SMCO4: variants seen among roughly 807,000 people sequenced by gnomAD.
SMCO4 encodes single-pass membrane protein with coiled-coil domains 4, also known as single-pass membrane and coiled-coil domain-containing protein 4.
In SMCO4, 4 loss-of-function variants were observed where a neutral mutation model predicts 3.6. That is an observed-to-expected ratio of 1.11 (90% confidence interval 0.54 to 2.53). The LOEUF (loss-of-function observed/expected upper bound fraction) is 2.53, where lower values mean the gene tolerates loss of function less well. Ranked by LOEUF, SMCO4 falls within the 30% of genes most tolerant of loss-of-function variation. The pLI is 0.02. For missense variants in SMCO4, 70 were observed against 80.8 expected, an observed-to-expected ratio of 0.87 and a Z score of 0.51; for synonymous variants, 36 against 35.3, an observed-to-expected ratio of 1.02 and a Z score of -0.07.
chr11:93,550,616 A>T, the SMCO4 span, among the ~76,000 whole-genome samples: 1 of 152,226 alleles, frequency 6.6e-6, no homozygotes, highest in African/African-American at 2.4e-5. Context: ...TTGAGGCTAC[A>T]GTGAGCTGTT....
intron 1 of SMCO4, among the ~76,000 whole-genome samples, chr11:93,524,946 A>AT (rs1410474439): frequency 6.6e-6 from 1 of 152,230 alleles, no homozygotes; most frequent in African/African-American, 2.4e-5. Flanking sequence ...ATCATAAAAC[A>AT]TAACTCCAGT....
At chr11:93,496,424 G>T (rs1227643651) in intron 2 of SMCO4, among the ~76,000 whole-genome samples, 1 of 152,166 alleles carries the variant, frequency 6.6e-6, no homozygotes, top group Non-Finnish European at 1.5e-5. Context: ...GGGAAGGGAG[G>T]AGGCCTAGAA....
chr11:93,532,142 T>C (rs79871499), intron 1 of SMCO4, among the ~76,000 whole-genome samples: 2,221 of 149,728 alleles, frequency 0.015, 51 homozygotes, highest in African/African-American at 0.051. Context: ...CCTAAACTGA[T>C]TGAGACCTGT....
upstream of SMCO4, among the ~76,000 whole-genome samples, chr11:93,546,799 C>T (rs534277631): frequency 6.6e-6 from 1 of 152,276 alleles, no homozygotes; most frequent in East Asian, 1.9e-4. Flanking sequence ...TATACATGGC[C>T]CCATGAGGTC....
At chr11:93,548,009 A>G (rs568422993), upstream of SMCO4, among the ~76,000 whole-genome samples, 2 of 152,294 alleles carry the variant, frequency 1.3e-5, no homozygotes, top group African/African-American at 4.8e-5. Context: ...AGAAGTAGGA[A>G]CCCTCAAAAC....
At chr11:93,486,124 T>C (rs1948647246) in intron 2 of SMCO4, among the ~76,000 whole-genome samples, 1 of 152,170 alleles carries the variant, frequency 6.6e-6, no homozygotes, top group South Asian at 2.1e-4. Flanking sequence ...GCTCAATACC[T>C]ATCAAGCGAC....
At chr11:93,528,315 C>A (rs750206431) in intron 1 of SMCO4, among the ~76,000 whole-genome samples, 2 of 152,132 alleles carry the variant, frequency 1.3e-5, no homozygotes, top group African/African-American at 2.4e-5. Context: ...AAATAAAAAG[C>A]CTTTGTTCAA....
At chr11:93,551,441 G>C in the SMCO4 span, among the ~76,000 whole-genome samples, 1 of 152,164 alleles carries the variant, frequency 6.6e-6, no homozygotes, top group African/African-American at 2.4e-5. Context: ...ATTGCTTTCA[G>C]AGAGGAGTCT....
At chr11:93,500,939 C>A (rs1591311542) in intron 1 of SMCO4, among the ~76,000 whole-genome samples, 2 of 152,192 alleles carry the variant, frequency 1.3e-5, no homozygotes. Flanking sequence ...CTCACTGGAG[C>A]ATCAGCTTTC....
rs1176237143 is a variant in SMCO4, at chr11:93,535,808, C to T, written c.-154+7468G>A. The T allele has an allele frequency of 4.3e-6, 7 of 1,613,848 alleles. No individual in the cohort carries two copies. In the African/African-American group the frequency reaches 8.0e-5, roughly 18 times the overall value. ...ACCAAAGCAGCAGCAGCAGCAGCAA[C>T]AGCAGCACAGTAAAGGACATACATT... is the stretch of plus-strand genomic sequence containing the variant. On this transcript the variant is annotated intron_variant, in intron 1 of 2. Transcript: ENST00000298966.
At chr11:93,531,121 A>G (rs1949157927) in intron 1 of SMCO4, among the ~76,000 whole-genome samples, 1 of 152,196 alleles carries the variant, frequency 6.6e-6, no homozygotes, top group Non-Finnish European at 1.5e-5. Flanking sequence ...TTAACATTTG[A>G]ATGGGTAGAC....
intron 1 of SMCO4, among the ~76,000 whole-genome samples, chr11:93,501,522 C>G (rs1370364307): frequency 6.6e-6 from 1 of 152,174 alleles, no homozygotes; most frequent in Admixed American, 6.5e-5. Context: ...CTGCCTCCAT[C>G]TTGACATATG....
At chr11:93,495,775 A>G (rs1948765757) in intron 2 of SMCO4, among the ~76,000 whole-genome samples, 1 of 152,152 alleles carries the variant, frequency 6.6e-6, no homozygotes, top group Non-Finnish European at 1.5e-5. Flanking sequence ...ATAGTGGTCC[A>G]CCTCTGTGTT....
intron 1 of SMCO4, among the ~76,000 whole-genome samples, chr11:93,539,989 A>G (rs1203959494): frequency 6.6e-6 from 1 of 151,826 alleles, no homozygotes; most frequent in African/African-American, 2.4e-5. Flanking sequence ...AGGCCACAAA[A>G]TGGGCAAAGG....
At chr11:93,490,256 G>A (rs1948698930) in intron 2 of SMCO4, among the ~76,000 whole-genome samples, 1 of 152,206 alleles carries the variant, frequency 6.6e-6, no homozygotes, top group African/African-American at 2.4e-5. Flanking sequence ...TAAATTAATA[G>A]CCATCAGCAA....
At chr11:93,486,903 G>T (rs1004511279) in intron 2 of SMCO4, among the ~76,000 whole-genome samples, 1 of 152,092 alleles carries the variant, frequency 6.6e-6, no homozygotes, top group African/African-American at 2.4e-5. Context: ...ACAGTTGAAG[G>T]CGCTCCCTAA....
At chr11:93,485,791 A>T (rs1948641662) in intron 2 of SMCO4, among the ~76,000 whole-genome samples, 1 of 152,226 alleles carries the variant, frequency 6.6e-6, no homozygotes, top group Non-Finnish European at 1.5e-5. Flanking sequence ...ATTCTGTAAT[A>T]ATAAAGCAGC....
chr11:93,521,254 C>G (rs1379978480), intron 1 of SMCO4, among the ~76,000 whole-genome samples: 1 of 152,226 alleles, frequency 6.6e-6, no homozygotes, highest in Admixed American at 6.5e-5. Context: ...CAATAACCAT[C>G]ACAGATCTGC....
chr11:93,499,681 C>T (rs192594506), intron 1 of SMCO4, among the ~76,000 whole-genome samples: 44 of 152,284 alleles, frequency 2.9e-4, no homozygotes, highest in African/African-American at 9.6e-4. Context: ...TAACTTAAGC[C>T]GCCATGAGAC....
Sources: allele counts gnomAD v4.1 joint callset (sites outside exome capture counted in the v4.1 genomes callset), GRCh38; gene constraint gnomAD v4.1.1; transcripts MANE v1.5; gene names NCBI Gene and HGNC (gene_info 2026-07-23, HGNC 2026-07-21).